The following PHACTR1 variants were observed in gnomAD, a reference collection of about 807,000 sequenced individuals.
PHACTR1 encodes phosphatase and actin regulator 1.
PHACTR1 carries 16 observed loss-of-function variants against 69.2 expected under a neutral mutation model. The ratio of observed to expected loss-of-function variants is 0.23; its 90% CI spans 0.16 to 0.35. The LOEUF is 0.35. Ranked by LOEUF, PHACTR1 falls within the 10% of genes least tolerant of loss-of-function variation. PHACTR1 has a pLI of 1.00. For missense variants in PHACTR1, 510 were observed against 734.7 expected, an observed-to-expected ratio of 0.69 and a Z score of 3.54; for synonymous variants, 312 against 284.5, an observed-to-expected ratio of 1.10 and a Z score of -0.97.
chr6:13,236,971 G>A (rs1160041515), intron 10 of PHACTR1, among the ~76,000 whole-genome samples: 1 of 152,134 alleles, frequency 6.6e-6, no homozygotes, highest in Non-Finnish European at 1.5e-5. Context: ...TGCATCAAGA[G>A]GCCATCACTG....
At chr6:13,095,901 T>C (rs1814158600) in intron 5 of PHACTR1, among the ~76,000 whole-genome samples, 1 of 151,994 alleles carries the variant, frequency 6.6e-6, no homozygotes, top group Admixed American at 6.5e-5. Context: ...AGAAAACAAG[T>C]GGATAGGAAC....
intron 4 of PHACTR1, among the ~76,000 whole-genome samples, chr6:12,885,666 C>T (rs181667337): frequency 1.1e-4 from 17 of 152,300 alleles, no homozygotes; most frequent in African/African-American, 3.9e-4. Context: ...ACTTGCATGT[C>T]GCTTTATTCC....
At chr6:13,039,708 T>G (rs1400171527) in intron 4 of PHACTR1, among the ~76,000 whole-genome samples, 1 of 152,234 alleles carries the variant, frequency 6.6e-6, no homozygotes, top group Non-Finnish European at 1.5e-5. Flanking sequence ...AGAATGGCTC[T>G]TTAATTCAGA....
intron 4 of PHACTR1, among the ~76,000 whole-genome samples, chr6:13,045,453 C>G (rs35787156): frequency 0.029 from 4,457 of 152,226 alleles, 115 homozygotes; most frequent in Middle Eastern, 0.088. Flanking sequence ...GTTTACAATC[C>G]CCCCTCCTTT....
At chr6:13,226,354 G>A (rs1194601567) in intron 8 of PHACTR1, among the ~76,000 whole-genome samples, 1 of 152,174 alleles carries the variant, frequency 6.6e-6, no homozygotes, top group Non-Finnish European at 1.5e-5. Context: ...CAAAGGAGAG[G>A]CATGCATTCA....
chr6:13,228,082 A>T lies in PHACTR1; in HGVS notation c.1234+19A>T. ...TACACCAGTGCGTTCATCTTAACTC[A>T]TCACCAGGGGTGGGGAAGCATGCTA... On this transcript the variant is annotated intron_variant, in intron 9 of 14. Transcript: ENST00000332995. 1 of 1,599,906 alleles carries T rather than the reference A, an allele frequency of 6.3e-7. No individual in the cohort carries two copies. The highest frequency in any genetic ancestry group is 8.5e-7 in the Non-Finnish European group (1 of 1,175,584).
At position 13,283,835 on chromosome 6, in the gene PHACTR1, A is replaced by G. The variant is rs1780862995; in HGVS notation, c.1650+273A>G. On this transcript the variant is annotated intron_variant, in intron 13 of 14. Coordinates refer to ENST00000332995, the MANE Select transcript of PHACTR1 (RefSeq NM_030948.6). The surrounding 1 kb of genome is among the most constrained non-coding windows in gnomAD (Gnocchi z 4.7). ...GAGGCTGTGCCCAGAGAAAGAGAAT[A>G]GCACTGGATAGGTGTAGACAGGTGA... The G allele has an allele frequency of 4.3e-6, 2 of 466,724 alleles. No homozygotes were observed. The highest frequency in any genetic ancestry group is 8.7e-5 in the East Asian group (2 of 22,924). 28.9% of individuals were successfully genotyped at this position (466,724 alleles called of 1,614,324 possible).
intron 4 of PHACTR1, among the ~76,000 whole-genome samples, chr6:12,983,890 C>T (rs558809194): frequency 2.6e-5 from 4 of 152,212 alleles, no homozygotes; most frequent in African/African-American, 7.2e-5. Flanking sequence ...CCTTTTTTAT[C>T]GCTGCATAGT....
intron 4 of PHACTR1, among the ~76,000 whole-genome samples, chr6:12,948,515 G>A (rs910203273): frequency 1.3e-5 from 2 of 152,176 alleles, no homozygotes; most frequent in African/African-American, 4.8e-5. Context: ...ATGATGCTAA[G>A]TATTTAACAC....
chr6:13,206,110 G>A lies in PHACTR1; in HGVS notation c.960G>A (p.Leu320=). 6.2e-7 allele frequency: 1 copy of A among 1,607,110 alleles called. No individual in the cohort carries two copies. The highest frequency in any genetic ancestry group is 8.5e-7 in the Non-Finnish European group (1 of 1,175,916). ...TGATAGACGAGCTCAACAAAACGCTGGCCATGACCATGCAGAGGCTGGAAA... is the reference window on the plus strand; with the variant it reads ...TGATAGACGAGCTCAACAAAACGCTAGCCATGACCATGCAGAGGCTGGAAA... The part of the protein sequence containing the change: ...CRMIDELNKT[L]AMTMQRLESS... Residue 320 remains leucine, a synonymous_variant, in exon 8 of 15, where the codon CTG becomes CTA. Transcript: ENST00000332995.
chr6:12,984,448 T>C (rs887794200), intron 4 of PHACTR1, among the ~76,000 whole-genome samples: 3 of 152,216 alleles, frequency 2.0e-5, no homozygotes, highest in Admixed American at 1.3e-4. Context: ...TTTGGACAGA[T>C]TGAAGAGCCA....
intron 4 of PHACTR1, among the ~76,000 whole-genome samples, chr6:12,852,954 A>G (rs993392917): frequency 6.6e-6 from 1 of 152,094 alleles, no homozygotes; most frequent in Non-Finnish European, 1.5e-5. Flanking sequence ...CTTTATCAGC[A>G]CTGGGTATAA....
chr6:12,791,943 A>T (rs1772337556), intron 4 of PHACTR1, among the ~76,000 whole-genome samples: 1 of 152,214 alleles, frequency 6.6e-6, no homozygotes, highest in African/African-American at 2.4e-5. Context: ...CATGGAGGAA[A>T]ATAAAGCAAA....
chr6:13,287,325 C>A lies in PHACTR1; in HGVS notation c.*247C>A. The A allele has an allele frequency of 1.8e-6, 1 of 540,764 alleles. No individual in the cohort carries two copies. Among genetic ancestry groups the A allele is most frequent in the East Asian group, 3.3e-5 (1 of 30,340 alleles). 33.5% of individuals were successfully genotyped at this position (540,764 alleles called of 1,614,324 possible). ...AATGCATCCCAACCCCCGGCAGTGC[C>A]AAGGGCACCAGCAGGGCCCTGACTG... On this transcript the variant is annotated 3_prime_UTR_variant, in exon 15 of 15. Transcript: ENST00000332995.
intron 5 of PHACTR1, among the ~76,000 whole-genome samples, chr6:13,058,139 G>T (rs1406676231): frequency 6.6e-6 from 1 of 152,124 alleles, no homozygotes; most frequent in African/African-American, 2.4e-5. Context: ...CTCCACACCT[G>T]CCCCAGGAAT....
At chr6:13,042,308 G>C (rs145950782) in intron 4 of PHACTR1, among the ~76,000 whole-genome samples, 2 of 152,294 alleles carry the variant, frequency 1.3e-5, no homozygotes, top group African/African-American at 4.8e-5. Flanking sequence ...GTGATTTCAC[G>C]TTTTAGGGAC....
chr6:13,272,959 C>T, intron 11 of PHACTR1, 44 bp downstream of exon 11: 1 of 1,609,138 alleles, frequency 6.2e-7, no homozygotes, highest in South Asian at 1.1e-5. Flanking sequence ...TTTGTGGCGG[C>T]TTTTGTTATT....
chr6:13,272,520 T>C (rs370136515), intron 10 of PHACTR1: 1 of 425,516 alleles, frequency 2.4e-6, no homozygotes. Context: ...GTCCCCAAGT[T>C]AGGAGGCCAC....
intron 12 of PHACTR1, 83 bp downstream of exon 12, chr6:13,278,412 C>A: frequency 7.7e-7 from 1 of 1,302,228 alleles, no homozygotes. Flanking sequence ...GCCTCAGTGG[C>A]CTCACCGCTG....
Sources: allele counts gnomAD v4.1 joint callset (sites outside exome capture counted in the v4.1 genomes callset), GRCh38; gene constraint gnomAD v4.1.1; non-coding constraint Gnocchi (gnomAD v3.1); transcripts MANE v1.5; gene names NCBI Gene and HGNC (gene_info 2026-07-23, HGNC 2026-07-21).